GOLGA3: variants seen among roughly 807,000 people sequenced by gnomAD.
The protein encoded by GOLGA3 is golgin subfamily A member 3.
Under a neutral mutation model 169.4 loss-of-function variants are expected in GOLGA3, and 75 were observed. The observed-to-expected ratio is 0.44, with a 90% CI of 0.37 to 0.54. GOLGA3 has a LOEUF of 0.54. Among genes scored for constraint, GOLGA3 ranks in the 20% least tolerant of loss-of-function variants. The probability of loss-of-function intolerance (pLI) is 0.00; values close to 1 mark genes in which losing one functional copy is unlikely to be tolerated. For synonymous variants in GOLGA3, 824 were observed against 822.4 expected (o/e 1.00, Z -0.03); for missense variants, 1,899 against 1,930.0 (o/e 0.98, Z 0.30).
intron 4 of GOLGA3, among the ~76,000 whole-genome samples, chr12:132,809,552 A>G (rs917419670): frequency 2.0e-5 from 3 of 151,414 alleles, no homozygotes; most frequent in Non-Finnish European, 2.9e-5. Context: ...CTTCCCAGAC[A>G]CTGGCTTCAC....
chr12:132,777,474 G>A lies in GOLGA3; in HGVS notation c.3722+192C>T, dbSNP rs1164900493. Among the ~76,000 whole-genome samples, 5 of 152,204 alleles carry A rather than the reference G, an allele frequency of 3.3e-5. No individual in the cohort carries two copies. The highest frequency in any genetic ancestry group is 1.9e-4 in the East Asian group (1 of 5,192). ...GCTGGGGCGCTTTCTCTCTTGGGGGGAGGACACGGGGCAGTGAGTGAGGCT... is the reference window on the plus strand; with the variant it reads ...GCTGGGGCGCTTTCTCTCTTGGGGGAAGGACACGGGGCAGTGAGTGAGGCT... On this transcript the variant is annotated intron_variant, in intron 19 of 23. Transcript: ENST00000450791. This position sits in a 1 kb window ranked among gnomAD's most constrained non-coding sequence, Gnocchi z 4.7.
rs1231191842 is a variant in GOLGA3 at position 132,777,949 on chromosome 12, C to T, written c.3583-144G>A. ...GCTTCTCCACAGGCCTGTCAAGTTC[C>T]TTGTAAAGATGAAACCACCTGACCC... On this transcript the variant is annotated intron_variant, in intron 18 of 23. Coordinates refer to ENST00000450791, the MANE Select transcript of GOLGA3 (RefSeq NM_001389683.1). This position sits in a 1 kb window ranked among gnomAD's most constrained non-coding sequence, Gnocchi z 4.7. 3 of 881,432 alleles carry T rather than the reference C, an allele frequency of 3.4e-6. No individual in the cohort carries two copies. In the East Asian group the frequency reaches 8.1e-5, roughly 24 times the overall value. 54.6% of individuals were successfully genotyped at this position (881,432 alleles called of 1,614,324 possible). A position where few individuals can be genotyped will look rare whatever the true frequency, so the allele number is the denominator to read the frequency against.
chr12:132,787,717 C>T (rs2045985878), intron 13 of GOLGA3, among the ~76,000 whole-genome samples: 3 of 73,256 alleles, frequency 4.1e-5, no homozygotes, highest in Admixed American at 1.3e-4. Flanking sequence ...CGGGACCCCT[C>T]CCCGGAGACC....
chr12:132,826,619 G>A (rs754123143), intron 1 of GOLGA3, among the ~76,000 whole-genome samples: 7 of 152,158 alleles, frequency 4.6e-5, no homozygotes, highest in Non-Finnish European at 7.3e-5. Flanking sequence ...GTGACTGTAA[G>A]TCACAAAGAC....
intron 13 of GOLGA3, among the ~76,000 whole-genome samples, chr12:132,787,848 T>C (rs1379997892): frequency 1.6e-5 from 1 of 63,516 alleles, no homozygotes; most frequent in African/African-American, 6.6e-5. Context: ...CCGGGACCCC[T>C]CCCCGGAGAC....
chr12:132,823,978 G>A (rs1393259319), intron 1 of GOLGA3, among the ~76,000 whole-genome samples: 1 of 151,930 alleles, frequency 6.6e-6, no homozygotes, highest in African/African-American at 2.4e-5. Context: ...AGCTACTCAG[G>A]AGGCTAAGGC....
chr12:132,773,387 T>C (rs1421273021), intron 23 of GOLGA3, 93 bp from the exon 24 acceptor site: 2 of 790,904 alleles, frequency 2.5e-6, no homozygotes, highest in African/African-American at 1.8e-5. Flanking sequence ...AGCACCTGAG[T>C]GGACCGGGGC....
chr12:132,775,432 C>A (rs2045174628), intron 21 of GOLGA3, 127 bp from the exon 22 acceptor site: 1 of 767,116 alleles, frequency 1.3e-6, no homozygotes, highest in Non-Finnish European at 2.0e-6. Flanking sequence ...TGATGCCAGT[C>A]CAGGTCCAAA....
intron 7 of GOLGA3, among the ~76,000 whole-genome samples, chr12:132,803,799 G>A (rs753502368): frequency 5.9e-5 from 9 of 152,122 alleles, no homozygotes; most frequent in East Asian, 1.9e-4. Flanking sequence ...CCCTCACAGC[G>A]GCTGCACCAG....
chr12:132,802,046 C>T, intron 7 of GOLGA3, 77 bp from the exon 8 acceptor site: 2 of 1,108,660 alleles, frequency 1.8e-6, no homozygotes, highest in East Asian at 2.5e-5. Flanking sequence ...GTGCGGGACA[C>T]AAGGCGGGAC....
chr12:132,783,248 A>ATACCACAGGC (rs2045708183), intron 16 of GOLGA3, among the ~76,000 whole-genome samples: 1 of 151,552 alleles, frequency 6.6e-6, no homozygotes, highest in Admixed American at 6.6e-5. Context: ...ACACCACAGG[A>ATACCACAGGC]CCGTGCTTGC....
chr12:132,816,054 C>T (rs886536490), intron 3 of GOLGA3, among the ~76,000 whole-genome samples: 24 of 152,156 alleles, frequency 1.6e-4, no homozygotes, highest in Admixed American at 1.4e-3. Context: ...AAAAATTAGC[C>T]GGGCCTGGTG....
At chr12:132,807,331 AT>A in intron 5 of GOLGA3, 43 bp from the exon 6 acceptor site, 1 of 1,095,702 alleles carries the variant, frequency 9.1e-7, no homozygotes, top group Non-Finnish European at 1.3e-6. Context: ...AGCCATCCTC[AT>A]TTTCTTTCAC....
intron 2 of GOLGA3, among the ~76,000 whole-genome samples, chr12:132,820,727 T>C (rs964334294): frequency 6.6e-6 from 1 of 152,198 alleles, no homozygotes; most frequent in African/African-American, 2.4e-5. Flanking sequence ...AACATAACAC[T>C]GTGCTCCGTA....
In GOLGA3 at chr12:132,777,678, G is replaced by A; in HGVS notation, c.3710C>T (p.Ala1237Val). Residue 1237 changes from alanine (A) to valine (V), a missense_variant, in exon 19 of 24, where the codon GCC becomes GTC. Transcript: ENST00000450791. This position sits in a 1 kb window ranked among gnomAD's most constrained non-coding sequence, Gnocchi z 4.7. ...EHLVQKLQAEADDLQIREGKH... is the reference protein window; with the variant it reads ...EHLVQKLQAEVDDLQIREGKH... The stretch of plus-strand genomic sequence containing the variant: ...CCCAGGCACTCACTGAAGGTCGTCG[G>A]CCTCGGCCTGCAGCTTCTGCACCAG... 1 of 1,614,058 alleles carries A rather than the reference G, an allele frequency of 6.2e-7. No individual in the cohort carries two copies. Among genetic ancestry groups the A allele is most frequent in the South Asian group, 1.1e-5 (1 of 91,080 alleles).
intron 16 of GOLGA3, among the ~76,000 whole-genome samples, chr12:132,782,897 AAG>A (rs1460441991): frequency 4.0e-5 from 6 of 151,692 alleles, no homozygotes; most frequent in African/African-American, 4.8e-5. Context: ...AAAAAAGAAA[AAG>A]AAAAGAAAAG....
At chr12:132,776,535 A>C in intron 21 of GOLGA3, 99 bp downstream of exon 21, 11 of 724,924 alleles carry the variant, frequency 1.5e-5, no homozygotes, top group African/African-American at 5.1e-5. Context: ...GCCTGTGCCC[A>C]GCGCCTCACA....
intron 1 of GOLGA3, among the ~76,000 whole-genome samples, chr12:132,822,826 G>A (rs987598648): frequency 1.5e-4 from 23 of 152,198 alleles, no homozygotes; most frequent in Non-Finnish European, 2.9e-4. Flanking sequence ...GGAGGCTGAG[G>A]CAGGAGAGTC....
Position 132,817,281 on chromosome 12 carries a change from G to C in GOLGA3, c.134-469C>G, listed in dbSNP as rs71439322. 4.8e-4 allele frequency among the ~76,000 whole-genome samples: 4 copies of C among 8,344 alleles called. 1 individual carries two copies. The highest frequency in any genetic ancestry group is 7.8e-4 in the Non-Finnish European group (3 of 3,852). The allele number at this position is 8,344 out of a possible 152,430, so 5.5% of individuals were successfully genotyped here. A position where few individuals can be genotyped will look rare whatever the true frequency, so the allele number is the denominator to read the frequency against. ...CACCTCCACACTCTAACGTGAACCC[G>C]CCCTCCACTCCTCCACGCTCTAAGG... is the stretch of plus-strand genomic sequence containing the variant. On this transcript the variant is annotated intron_variant, in intron 2 of 23. Coordinates refer to ENST00000450791, the MANE Select transcript of GOLGA3 (RefSeq NM_001389683.1).
Sources: gnomAD v4.1 joint callset for allele counts (sites outside exome capture counted in the v4.1 genomes callset) on GRCh38, gnomAD v4.1.1 for gene constraint, Gnocchi (gnomAD v3.1) non-coding constraint, MANE v1.5 for transcripts, NCBI Gene and HGNC (gene_info 2026-07-23, HGNC 2026-07-21) for gene names.